Variants in NCKAP1 observed in about 807,000 individuals in gnomAD.
NCKAP1 encodes NCK associated protein 1, also known as nck-associated protein 1.
NCKAP1 carries 21 observed loss-of-function variants against 151.2 expected under a neutral mutation model. That is an observed-to-expected ratio of 0.14 (90% CI 0.10 to 0.20). The LOEUF (loss-of-function observed/expected upper bound fraction) is 0.20. Ranked by LOEUF, NCKAP1 falls within the 10% of genes least tolerant of loss-of-function variation. NCKAP1 has a pLI of 1.00. For synonymous variants in NCKAP1, 484 were observed against 451.8 expected, an observed-to-expected ratio of 1.07 and a Z score of -0.90; for missense variants, 933 against 1,352.1, an observed-to-expected ratio of 0.69 and a Z score of 4.86.
chr2:182,995,921 C>T (rs1698259666), intron 6 of NCKAP1, 83 bp from the exon 7 acceptor site: 1 of 1,175,364 alleles, frequency 8.5e-7, no homozygotes, highest in African/African-American at 1.5e-5. Flanking sequence ...CTGTGTGTTT[C>T]TAACTATACC....
Position 183,002,003 on chromosome 2 carries a change from A to G in NCKAP1, c.553T>C (p.Tyr185His). The G allele has an allele frequency of 6.2e-7, 1 of 1,613,884 alleles. No individual in the cohort carries two copies. Among genetic ancestry groups the G allele is most frequent in the Non-Finnish European group, 8.5e-7 (1 of 1,179,852 alleles). Reference protein sequence around the residue: ...YPRLGQMIVDYENPLKKMMEE... With the variant: ...YPRLGQMIVDHENPLKKMMEE... ...ATCATCTTCTTTAAAGGGTTTTCAT[A>G]ATCCACAATCATCTGGCCAAGGCGT... The change falls in exon 6 of 31, where the codon TAT becomes CAT. Residue 185 changes from tyrosine (Y) to histidine (H), a missense_variant. Physicochemically the swap from Tyr to His is moderately conservative, Grantham distance 83. This residue lies in a region of NCKAP1 where 607 missense variants were observed against 795.0 expected (regional missense o/e 0.76). Transcript: ENST00000361354.
At position 182,998,023 on chromosome 2, in the gene NCKAP1, C is replaced by G. The variant is rs117265396; in HGVS notation, c.604-2185G>C. ...TTCCTGGGATGCAAGGTTGGTTCCA[C>G]ATAAGCAAATCAATAAATGTGATTA... On this transcript the variant is annotated intron_variant, in intron 6 of 30. Coordinates refer to ENST00000361354, the MANE Select transcript of NCKAP1 (RefSeq NM_013436.5). Among the ~76,000 whole-genome samples the G allele has an allele frequency of 6.8e-4, 103 of 152,284 alleles. 1 individual carries two copies. In the East Asian group the frequency reaches 0.017, roughly 25 times the overall value.
chr2:182,977,590 G>A (rs1424682517), intron 14 of NCKAP1, among the ~76,000 whole-genome samples: 1 of 152,156 alleles, frequency 6.6e-6, no homozygotes, highest in African/African-American at 2.4e-5. Context: ...ATTAAGCCTA[G>A]TGAAATTAGC....
chr2:182,931,486 T>G (rs192965873), intron 26 of NCKAP1, among the ~76,000 whole-genome samples: 14 of 152,270 alleles, frequency 9.2e-5, no homozygotes, highest in Admixed American at 9.2e-4. Flanking sequence ...TTAAAATGTT[T>G]GTAATCTATT....
At chr2:182,983,956 A>G (rs113428475) in intron 10 of NCKAP1, among the ~76,000 whole-genome samples, 11,301 of 151,818 alleles carry the variant, frequency 0.074, 772 homozygotes, top group African/African-American at 0.18. Context: ...ACTTGAGCCC[A>G]GGAGGCAGAG....
intron 22 of NCKAP1, 59 bp from the exon 23 acceptor site, chr2:182,952,561 A>T: frequency 7.7e-7 from 1 of 1,299,080 alleles, no homozygotes; most frequent in Non-Finnish European, 1.1e-6. Context: ...TAAGAAAATG[A>T]ACATTAACAC....
chr2:183,001,187 C>T (rs1458224174), intron 6 of NCKAP1, among the ~76,000 whole-genome samples: 12 of 152,166 alleles, frequency 7.9e-5, no homozygotes, highest in Non-Finnish European at 2.9e-5. Flanking sequence ...GTATCCTGGG[C>T]TTCAGTTCTA....
At chr2:182,958,028 C>T (rs908587469) in intron 18 of NCKAP1, among the ~76,000 whole-genome samples, 3 of 152,174 alleles carry the variant, frequency 2.0e-5, no homozygotes, top group African/African-American at 7.2e-5. Context: ...AGGTAAAGTA[C>T]AGAGGTTTCA....
At chr2:183,006,168 G>A (rs1559103402) in intron 2 of NCKAP1, among the ~76,000 whole-genome samples, 1 of 152,192 alleles carries the variant, frequency 6.6e-6, no homozygotes, top group East Asian at 1.9e-4. Flanking sequence ...AGTGTCAGAT[G>A]ATATGTTTTG....
chr2:182,930,201 CTT>C (rs751924440), intron 27 of NCKAP1, among the ~76,000 whole-genome samples: 4 of 151,902 alleles, frequency 2.6e-5, no homozygotes, highest in Non-Finnish European at 4.4e-5. Flanking sequence ...CCTGTTCTCC[CTT>C]AATCTCCCTT....
chr2:182,961,610 A>G (rs1297886229), intron 18 of NCKAP1, among the ~76,000 whole-genome samples: 2 of 152,208 alleles, frequency 1.3e-5, no homozygotes, highest in Admixed American at 6.5e-5. Flanking sequence ...GGATAGCATT[A>G]GGAGATATAC....
intron 2 of NCKAP1, among the ~76,000 whole-genome samples, chr2:183,005,465 A>G (rs911593954): frequency 6.6e-6 from 1 of 152,178 alleles, no homozygotes; most frequent in African/African-American, 2.4e-5. Context: ...AGTTACAACT[A>G]CTTAATGACA....
At chr2:182,958,963 T>C (rs1436530304) in intron 18 of NCKAP1, among the ~76,000 whole-genome samples, 1 of 152,192 alleles carries the variant, frequency 6.6e-6, no homozygotes, top group African/African-American at 2.4e-5. Context: ...CATGCTGACA[T>C]AATAACATTT....
At chr2:183,020,607 G>C (rs1419215054) in intron 2 of NCKAP1, among the ~76,000 whole-genome samples, 1 of 151,778 alleles carries the variant, frequency 6.6e-6, no homozygotes, top group Non-Finnish European at 1.5e-5. Flanking sequence ...TAATAACCTA[G>C]GTCCCTAAGA....
intron 16 of NCKAP1, among the ~76,000 whole-genome samples, chr2:182,965,163 G>A (rs903538333): frequency 6.6e-6 from 1 of 151,882 alleles, no homozygotes; most frequent in Non-Finnish European, 1.5e-5. Context: ...GGCCAAGGCA[G>A]GTGGATCACT....
At chr2:183,031,748 G>T (rs1225846118) in intron 1 of NCKAP1, among the ~76,000 whole-genome samples, 1 of 152,136 alleles carries the variant, frequency 6.6e-6, no homozygotes, top group African/African-American at 2.4e-5. Context: ...GTTAATAAAA[G>T]CGTATTCCAA....
rs919497669 is a variant in NCKAP1, at chr2:182,916,022, G to A, written c.*9680C>T. The stretch of plus-strand genomic sequence containing the variant: ...CCAGACAAGTGATTTGTCTCATTGG[G>A]AGAAATCTTAGAAACCATGTCTTCG... On this transcript the variant is annotated 3_prime_UTR_variant, in exon 31 of 31. Coordinates refer to ENST00000361354, the MANE Select transcript of NCKAP1 (RefSeq NM_013436.5). 1.3e-5 allele frequency: 2 copies of A among 151,752 alleles called. No individual in the cohort carries two copies. Among genetic ancestry groups the A allele is most frequent in the Admixed American group, 6.6e-5 (1 of 15,220 alleles). The allele number at this position is 151,752 out of a possible 1,614,324, so 9.4% of individuals were successfully genotyped here. A position where few individuals can be genotyped will look rare whatever the true frequency, so the allele number is the denominator to read the frequency against.
chr2:182,999,517 T>C (rs1698338462), intron 6 of NCKAP1, among the ~76,000 whole-genome samples: 1 of 152,176 alleles, frequency 6.6e-6, no homozygotes, highest in East Asian at 1.9e-4. Flanking sequence ...TTGGCAAGGC[T>C]ACTGGAGAAA....
chr2:182,943,253 T>C (rs1461798846), intron 23 of NCKAP1, among the ~76,000 whole-genome samples: 1 of 152,114 alleles, frequency 6.6e-6, no homozygotes, highest in African/African-American at 2.4e-5. Context: ...TGCCATGGTG[T>C]TTTTTACAAA....
Sources: allele counts gnomAD v4.1 joint callset (sites outside exome capture counted in the v4.1 genomes callset), GRCh38; gene constraint gnomAD v4.1.1; regional missense constraint gnomAD v4.1.1; transcripts MANE v1.5; gene names NCBI Gene and HGNC (gene_info 2026-07-23, HGNC 2026-07-21).